RBFOX1: variants seen among roughly 807,000 people sequenced by gnomAD.
The protein encoded by RBFOX1 is RNA binding fox-1 homolog 1.
In RBFOX1, 8 loss-of-function variants were observed where a neutral mutation model predicts 57.7. The ratio of observed to expected loss-of-function variants is 0.14; its 90% CI spans 0.08 to 0.25. The LOEUF is 0.25. Ranked by LOEUF, RBFOX1 falls within the 10% of genes least tolerant of loss-of-function variation. The pLI is 1.00. For synonymous variants in RBFOX1, 326 were observed against 222.4 expected, an observed-to-expected ratio of 1.47 and a Z score of -4.15; for missense variants, 611 against 548.5, an observed-to-expected ratio of 1.11 and a Z score of -1.14.
At chr16:7,254,959 T>C (rs1833793919) in intron 4 of RBFOX1, among the ~76,000 whole-genome samples, 1 of 152,184 alleles carries the variant, frequency 6.6e-6, no homozygotes, top group Admixed American at 6.5e-5. Context: ...GCTCAACCGT[T>C]AATAAGAAGG....
At chr16:6,185,548 G>C (rs923885795) in intron 1 of RBFOX1, among the ~76,000 whole-genome samples, 1 of 152,126 alleles carries the variant, frequency 6.6e-6, no homozygotes, top group African/African-American at 2.4e-5. Context: ...CCTTGTTCAC[G>C]ATGAAATCGT....
intron 2 of RBFOX1, among the ~76,000 whole-genome samples, chr16:6,565,479 G>T (rs9930165): frequency 1.3e-5 from 2 of 150,738 alleles, no homozygotes; most frequent in Admixed American, 6.6e-5. Flanking sequence ...GGATGGTCTC[G>T]ATCTCCTGAC....
intron 3 of RBFOX1, among the ~76,000 whole-genome samples, chr16:6,813,027 A>G (rs1191517800): frequency 6.6e-6 from 1 of 152,148 alleles, no homozygotes; most frequent in Non-Finnish European, 1.5e-5. Context: ...TATTTCACAA[A>G]AGACCTATTG....
At chr16:6,977,494 T>G (rs116268459) in intron 3 of RBFOX1, among the ~76,000 whole-genome samples, 1 of 152,010 alleles carries the variant, frequency 6.6e-6, no homozygotes, top group East Asian at 1.9e-4. Flanking sequence ...GCCCAGCAAG[T>G]CCCAGCCTCA....
chr16:5,802,368 C>A (rs1428430026), intron 3 of RBFOX1, among the ~76,000 whole-genome samples: 1 of 152,152 alleles, frequency 6.6e-6, no homozygotes, highest in African/African-American at 2.4e-5. Flanking sequence ...GCGTGTGAGT[C>A]TTCCCAAAGG....
chr16:6,141,374 G>A (rs1286056434), intron 1 of RBFOX1, among the ~76,000 whole-genome samples: 1 of 152,102 alleles, frequency 6.6e-6, no homozygotes, highest in Non-Finnish European at 1.5e-5. Flanking sequence ...AACCCTGACT[G>A]CTCTCTTAGA....
chr16:7,523,730 A>G (rs146129789), intron 5 of RBFOX1, among the ~76,000 whole-genome samples: 6 of 152,292 alleles, frequency 3.9e-5, no homozygotes, highest in African/African-American at 1.4e-4. Context: ...CGGGAATCAT[A>G]AAGGGGCTGT....
At chr16:6,659,066 A>G (rs2095075192) in intron 3 of RBFOX1, among the ~76,000 whole-genome samples, 1 of 151,888 alleles carries the variant, frequency 6.6e-6, no homozygotes, top group South Asian at 2.1e-4. Flanking sequence ...TGCGTTTGAC[A>G]TTTACAGTAC....
At chr16:7,637,032 G>C (rs1351579418) in intron 11 of RBFOX1, among the ~76,000 whole-genome samples, 3 of 152,084 alleles carry the variant, frequency 2.0e-5, no homozygotes, top group African/African-American at 7.2e-5. Context: ...ACATAATTTA[G>C]TCCGTAGCAA....
At chr16:5,838,099 C>G (rs992006136) in intron 3 of RBFOX1, 1 of 153,234 alleles carries the variant, frequency 6.5e-6, no homozygotes, top group African/African-American at 2.4e-5. Context: ...GAAGATGATG[C>G]AAGGTTAATT....
intron 1 of RBFOX1, among the ~76,000 whole-genome samples, chr16:6,169,409 C>G (rs1363132291): frequency 6.6e-6 from 1 of 151,898 alleles, no homozygotes; most frequent in Non-Finnish European, 1.5e-5. Context: ...GGTTATGTCC[C>G]TAGAAGGCTG....
chr16:5,880,079 C>G (rs550392581), intron 4 of RBFOX1, among the ~76,000 whole-genome samples: 3 of 152,204 alleles, frequency 2.0e-5, no homozygotes, highest in Non-Finnish European at 4.4e-5. Context: ...CACCTCTATT[C>G]TCATCTCAGT....
chr16:7,139,405 T>C (rs2073027299), intron 4 of RBFOX1, among the ~76,000 whole-genome samples: 1 of 152,146 alleles, frequency 6.6e-6, no homozygotes. Flanking sequence ...TCTATTCCTT[T>C]TCCTTCTTGA....
intron 2 of RBFOX1, among the ~76,000 whole-genome samples, chr16:5,492,968 C>G (rs753974126): frequency 6.6e-6 from 1 of 152,208 alleles, no homozygotes; most frequent in Non-Finnish European, 1.5e-5. Context: ...ATTTGGCAAA[C>G]TATGGCCCAT....
intron 2 of RBFOX1, among the ~76,000 whole-genome samples, chr16:5,493,470 A>G (rs1469806649): frequency 1.3e-5 from 2 of 152,196 alleles, no homozygotes; most frequent in Non-Finnish European, 2.9e-5. Context: ...AATAGAAAGA[A>G]TTGACTTCCA....
chr16:6,793,002 C>T (rs2083264422), intron 3 of RBFOX1, among the ~76,000 whole-genome samples: 1 of 148,640 alleles, frequency 6.7e-6, no homozygotes, highest in Admixed American at 6.7e-5. Context: ...GCACTGCAGG[C>T]TGGGCGACAG....
intron 6 of RBFOX1, among the ~76,000 whole-genome samples, chr16:7,583,200 T>C (rs572652239): frequency 2.1e-4 from 32 of 151,508 alleles, no homozygotes; most frequent in Admixed American, 1.6e-3. Context: ...GGGCAAGATA[T>C]ATGGCTACAG....
intron 3 of RBFOX1, among the ~76,000 whole-genome samples, chr16:7,009,681 T>C (rs184012885): frequency 5.9e-5 from 9 of 152,258 alleles, no homozygotes; most frequent in East Asian, 5.8e-4. Flanking sequence ...CCTAGAATTA[T>C]AGGGAAAAAT....
Position 6,868,311 on chromosome 16 carries a change from G to C in RBFOX1, c.-15-183746G>C, listed in dbSNP as rs2060284008. On this transcript the variant is annotated intron_variant, in intron 3 of 15. Coordinates refer to ENST00000550418, the MANE Select transcript of RBFOX1 (RefSeq NM_018723.4). ...CACAGAAAGTGGTTTGCTGAAGTAA[G>C]AGGATGGTAAAACAGAGTGGATTCA... is the stretch of plus-strand genomic sequence containing the variant. 2.0e-5 allele frequency among the ~76,000 whole-genome samples: 3 copies of C among 152,184 alleles called. No individual in the cohort carries two copies. In the South Asian group the frequency reaches 6.2e-4, roughly 32 times the overall value.
Sources: gnomAD v4.1 joint callset for allele counts (sites outside exome capture counted in the v4.1 genomes callset) on GRCh38, gnomAD v4.1.1 for gene constraint, MANE v1.5 for transcripts, NCBI Gene and HGNC (gene_info 2026-07-23, HGNC 2026-07-21) for gene names.